KRR1: variants seen among roughly 807,000 people sequenced by gnomAD.
The protein encoded by KRR1 is KRR1 small subunit processome component, also known as KRR1 small subunit processome component homolog.
In KRR1, 23 loss-of-function variants were observed where a neutral mutation model predicts 50.0. The observed-to-expected ratio is 0.46, with a 90% CI of 0.33 to 0.65. The LOEUF (loss-of-function observed/expected upper bound fraction) is 0.65. Ranked by LOEUF, KRR1 falls within the 30% of genes least tolerant of loss-of-function variation. KRR1 has a pLI of 0.02. For synonymous variants in KRR1, 133 were observed against 146.3 expected (o/e 0.91, Z 0.66); for missense variants, 419 against 442.4 (o/e 0.95, Z 0.47).
rs1385752791 is a variant in KRR1, at chr12:75,499,080, G to GA, written c.*728dup. ...TGTACTTCTATTTTAAAACATTTCAGAAAAAAATATATGTTATAGCAATAC... is the reference window on the plus strand; with the variant it reads ...TGTACTTCTATTTTAAAACATTTCAGAAAAAAAATATATGTTATAGCAATAC... On this transcript the variant is annotated 3_prime_UTR_variant, in exon 10 of 10. Transcript: ENST00000229214. 3 of 679,854 alleles carry GA rather than the reference G, an allele frequency of 4.4e-6. No homozygotes were observed. The highest frequency in any genetic ancestry group is 7.0e-6 in the Non-Finnish European group (3 of 430,156). The allele number at this position is 679,854 out of a possible 1,614,324, so 42.1% of individuals were successfully genotyped here.
Position 75,492,504 on chromosome 12 carries a change from C to T in KRR1, c.*7305G>A, listed in dbSNP as rs778317793. ...TTACAGGACCCATCACTTAGAGTAG[C>T]TATGAAAGTGACAAGAGAAGGCTTT... On this transcript the variant is annotated 3_prime_UTR_variant, in exon 10 of 10. Coordinates refer to ENST00000229214, the MANE Select transcript of KRR1 (RefSeq NM_007043.7). The T allele has an allele frequency of 6.6e-6, 1 of 152,154 alleles. No homozygotes were observed. Among genetic ancestry groups the T allele is most frequent in the African/African-American group, 2.4e-5 (1 of 41,410 alleles). The allele number at this position is 152,154 out of a possible 1,614,324, so 9.4% of individuals were successfully genotyped here.
In KRR1 at chr12:75,499,920, G is replaced by A. The variant is rs149114650; in HGVS notation, c.1035C>T (p.Ser345=). 156 of 1,605,052 alleles carry A rather than the reference G, an allele frequency of 9.7e-5. 2 individuals carry two copies. In the African/African-American group the frequency reaches 2.0e-3, roughly 20 times the overall value. Residue 345 remains serine, a synonymous_variant, in exon 10 of 10, where the codon AGC becomes AGT. Coordinates refer to ENST00000229214, the MANE Select transcript of KRR1 (RefSeq NM_007043.7). The stretch of plus-strand genomic sequence containing the variant: ...TTGCTTTCTTAACCTTTTCCTTGAT[G>A]CTGGCCACATCAATTTTAGTTTCAG... ...ASTETKIDVA[S]IKEKVKKAKN...
At position 75,499,310 on chromosome 12, in the gene KRR1, A is replaced by G. The variant is rs1009454182; in HGVS notation, c.*499T>C. 3 of 180,342 alleles carry G rather than the reference A, an allele frequency of 1.7e-5. No individual in the cohort carries two copies. Among genetic ancestry groups the G allele is most frequent in the African/African-American group, 7.0e-5 (3 of 42,722 alleles). 11.2% of individuals were successfully genotyped at this position (180,342 alleles called of 1,614,324 possible). A position where few individuals can be genotyped will look rare whatever the true frequency, so the allele number is the denominator to read the frequency against. On this transcript the variant is annotated 3_prime_UTR_variant, in exon 10 of 10. Transcript: ENST00000229214. Reference sequence around the variant, plus strand: ...CTCCAGTAGCCTTCATTAGTTAAAAACATTATTATTTTTTGCATGCTGCTT... The same window carrying G: ...CTCCAGTAGCCTTCATTAGTTAAAAGCATTATTATTTTTTGCATGCTGCTT...
intron 7 of KRR1, chr12:75,502,248 A>G (rs547046644): frequency 9.4e-5 from 32 of 339,932 alleles, no homozygotes; most frequent in Admixed American, 8.1e-4. Context: ...AAGGTCACTG[A>G]TTCAGAAAAG....
In KRR1 at chr12:75,501,750, C is replaced by T; in HGVS notation, c.976G>A (p.Glu326Lys). The change falls in exon 9 of 10, where the codon GAA (glutamate) becomes AAA (lysine). Residue 326 changes from glutamate to lysine, a missense_variant. Glu to Lys is a moderately conservative substitution (Grantham distance 56). Coordinates refer to ENST00000229214, the MANE Select transcript of KRR1 (RefSeq NM_007043.7). Reference protein sequence around the residue: ...ERNKAFIPPKEKPIVKPKEAS... With the variant: ...ERNKAFIPPKKKPIVKPKEAS... ...TCCTTAGGTTTCACAATTGGTTTTTCCTTAGGTGGAATAAATGCTTTGTTT... is the reference window on the plus strand; with the variant it reads ...TCCTTAGGTTTCACAATTGGTTTTTTCTTAGGTGGAATAAATGCTTTGTTT... 6.2e-7 allele frequency: 1 copy of T among 1,610,334 alleles called. No individual in the cohort carries two copies. The highest frequency in any genetic ancestry group is 8.5e-7 in the Non-Finnish European group (1 of 1,177,794).
rs191489355 is a variant in KRR1, at chr12:75,494,600, T to C, written c.*5209A>G. 28 of 152,362 alleles carry C rather than the reference T, an allele frequency of 1.8e-4. No homozygotes were observed. The highest frequency in any genetic ancestry group is 6.7e-4 in the African/African-American group (28 of 41,588). The allele number at this position is 152,362 out of a possible 1,614,324, so 9.4% of individuals were successfully genotyped here. A position where few individuals can be genotyped will look rare whatever the true frequency, so the allele number is the denominator to read the frequency against. On this transcript the variant is annotated 3_prime_UTR_variant, in exon 10 of 10. Coordinates refer to ENST00000229214, the MANE Select transcript of KRR1 (RefSeq NM_007043.7). ...TTCCTTTATAATCCTATGTATTTTA[T>C]GCATTTAACAACAAACTATGTTGAG...
chr12:75,500,345 A>T (rs1423312479), intron 9 of KRR1: 1 of 152,686 alleles, frequency 6.5e-6, no homozygotes, highest in African/African-American at 2.4e-5. Flanking sequence ...CTTGCACATT[A>T]AAATAATTTA....
intron 1 of KRR1, among the ~76,000 whole-genome samples, 163 bp downstream of exon 1, chr12:75,511,350 G>A (rs1214675710): frequency 1.3e-5 from 2 of 152,198 alleles, no homozygotes; most frequent in Non-Finnish European, 2.9e-5. Context: ...ATATCGGCCA[G>A]CCGTTCCTGT....
chr12:75,499,957 C>T lies in KRR1; in HGVS notation c.1004-6G>A. The T allele has an allele frequency of 6.3e-7, 1 of 1,587,282 alleles. No individual in the cohort carries two copies. Among genetic ancestry groups the T allele is most frequent in the Non-Finnish European group, 8.5e-7 (1 of 1,171,714 alleles). On this transcript the variant is annotated splice_region_variant and splice_polypyrimidine_tract_variant and intron_variant, in intron 9 of 9. Transcript: ENST00000229214. ...AATTTTAGTTTCAGTAGAAGCTAGA[C>T]AAATTAAAAGCACAACACATGTAAT...
At position 75,495,561 on chromosome 12, in the gene KRR1, T is replaced by C. The variant is rs558237723; in HGVS notation, c.*4248A>G. 1.3e-5 allele frequency: 19 copies of C among 1,483,306 alleles called. 1 individual carries two copies. In the South Asian group the frequency reaches 2.2e-4, roughly 17 times the overall value. 91.9% of individuals were successfully genotyped at this position (1,483,306 alleles called of 1,614,324 possible). A position where few individuals can be genotyped will look rare whatever the true frequency, so the allele number is the denominator to read the frequency against. ...ACCGAAAAACTTCTAATGGACATCC[T>C]TCTTCTGCTTTACAGAGGGAATTAC... On this transcript the variant is annotated 3_prime_UTR_variant, in exon 10 of 10. Coordinates refer to ENST00000229214, the MANE Select transcript of KRR1 (RefSeq NM_007043.7).
In KRR1 at chr12:75,511,586, G is replaced by A. The variant is rs1339590531; in HGVS notation, c.12C>T (p.Pro4=). ...CGCCTTTTTCTGGCCGCTCCAGCGA[G>A]GGAGACGCCATTTGCAAGCTGCTTC... is the stretch of plus-strand genomic sequence containing the variant. MAS[P]SLERPEKGAG... Residue 4 remains proline, a synonymous_variant, in exon 1 of 10, where the codon CCC becomes CCT. Transcript: ENST00000229214. 3.7e-6 allele frequency: 6 copies of A among 1,613,922 alleles called. No individual in the cohort carries two copies. Among genetic ancestry groups the A allele is most frequent in the Admixed American group, 1.7e-5 (1 of 60,010 alleles).
chr12:75,510,545 T>A (rs1373228778), intron 1 of KRR1, among the ~76,000 whole-genome samples: 1 of 152,164 alleles, frequency 6.6e-6, no homozygotes, highest in Non-Finnish European at 1.5e-5. Context: ...TCCACTTTCA[T>A]GTATATAAAA....
intron 1 of KRR1, 75 bp from the exon 2 acceptor site, chr12:75,508,521 T>C: frequency 9.0e-7 from 1 of 1,113,196 alleles, no homozygotes; most frequent in Non-Finnish European, 1.3e-6. Flanking sequence ...TAACTGTCTT[T>C]TGGACACTTT....
intron 5 of KRR1, among the ~76,000 whole-genome samples, chr12:75,505,745 A>C (rs997772474): frequency 2.0e-5 from 3 of 152,124 alleles, no homozygotes; most frequent in African/African-American, 4.8e-5. Flanking sequence ...GCACAACCTC[A>C]CAAGCCAGAT....
intron 9 of KRR1, chr12:75,501,460 T>A: frequency 2.8e-6 from 1 of 351,454 alleles, no homozygotes. Context: ...CCTGGGTTTG[T>A]ATCTTTCACA....
At chr12:75,504,722 T>C (rs551674023) in intron 6 of KRR1, among the ~76,000 whole-genome samples, 19 of 152,164 alleles carry the variant, frequency 1.2e-4, no homozygotes, top group African/African-American at 4.3e-4. Context: ...CCAAGAATAA[T>C]CAAACTTTGT....
In KRR1 at chr12:75,506,609, C is replaced by T; in HGVS notation, c.394G>A (p.Ala132Thr). 7.0e-7 allele frequency: 1 copy of T among 1,427,776 alleles called. No individual in the cohort carries two copies. Among genetic ancestry groups the T allele is most frequent in the South Asian group, 1.4e-5 (1 of 71,878 alleles). 88.4% of individuals were successfully genotyped at this position (1,427,776 alleles called of 1,614,324 possible). A position where few individuals can be genotyped will look rare whatever the true frequency, so the allele number is the denominator to read the frequency against. Residue 132 changes from alanine (A) to threonine (T), a missense_variant and splice_region_variant, in exon 4 of 10, where the codon GCA becomes ACA. Coordinates refer to ENST00000229214, the MANE Select transcript of KRR1 (RefSeq NM_007043.7). ...LLARSVSFEQ[A>T]VRILQDDVAC... Reference sequence around the variant, plus strand: ...ACATCATCCTGAAGAATTCGTACTGCCTTTTGCAAAAAAAAAAAAAAAAAG... The same window carrying T: ...ACATCATCCTGAAGAATTCGTACTGTCTTTTGCAAAAAAAAAAAAAAAAAG...
chr12:75,505,087 T>C, intron 6 of KRR1, 111 bp downstream of exon 6: 1 of 1,156,588 alleles, frequency 8.6e-7, no homozygotes, highest in Non-Finnish European at 1.2e-6. Context: ...ATAGCTCTGC[T>C]TTATCTGTTT....
At position 75,508,260 on chromosome 12, in the gene KRR1, T is replaced by C; in HGVS notation, c.258+14A>G. On this transcript the variant is annotated intron_variant, in intron 2 of 9. Coordinates refer to ENST00000229214, the MANE Select transcript of KRR1 (RefSeq NM_007043.7). Reference sequence around the variant, plus strand: ...AAAGTCTCAAATAAATGTATTGATATAAGATACACATACATGTTCATTTAA... The same window carrying C: ...AAAGTCTCAAATAAATGTATTGATACAAGATACACATACATGTTCATTTAA... 6.3e-7 allele frequency: 1 copy of C among 1,575,618 alleles called. No homozygotes were observed.
Sources: gnomAD v4.1 joint callset for allele counts (sites outside exome capture counted in the v4.1 genomes callset) on GRCh38, gnomAD v4.1.1 for gene constraint, MANE v1.5 for transcripts, NCBI Gene and HGNC (gene_info 2026-07-23, HGNC 2026-07-21) for gene names.